TENM4: variants seen among roughly 807,000 people sequenced by gnomAD.
TENM4 encodes the protein teneurin transmembrane protein 4, also known as teneurin-4.
A neutral mutation model predicts 243.3 loss-of-function variants in TENM4; 82 were observed. The ratio of observed to expected loss-of-function variants is 0.34; its 90% CI spans 0.28 to 0.40. TENM4 has a LOEUF of 0.40. Among genes scored for constraint, TENM4 ranks in the 10% least tolerant of loss-of-function variants. The probability of loss-of-function intolerance (pLI) is 1.00; values close to 1 mark genes in which losing one functional copy is unlikely to be tolerated. For missense variants in TENM4, 3,138 were observed against 3,673.3 expected (o/e 0.85, Z 3.77); for synonymous variants, 1,412 against 1,456.3 (o/e 0.97, Z 0.69).
intron 4 of TENM4, among the ~76,000 whole-genome samples, chr11:79,105,410 C>A (rs1260318787): frequency 6.6e-6 from 1 of 152,222 alleles, no homozygotes; most frequent in Non-Finnish European, 1.5e-5. Flanking sequence ...CTAGAGTTCA[C>A]ATAATTCAAA....
intron 6 of TENM4, among the ~76,000 whole-genome samples, chr11:78,983,163 C>G (rs1857840206): frequency 6.6e-6 from 1 of 152,206 alleles, no homozygotes; most frequent in African/African-American, 2.4e-5. Flanking sequence ...AAAATGTTCT[C>G]AAAATCTCAC....
At chr11:79,416,573 G>C (rs1858818093) in intron 1 of TENM4, among the ~76,000 whole-genome samples, 1 of 152,064 alleles carries the variant, frequency 6.6e-6, no homozygotes, top group South Asian at 2.1e-4. Flanking sequence ...TGTTTATTAA[G>C]GTACAACCCT....
At chr11:79,225,055 AG>A (rs1864237320) in intron 2 of TENM4, among the ~76,000 whole-genome samples, 1 of 152,200 alleles carries the variant, frequency 6.6e-6, no homozygotes, top group African/African-American at 2.4e-5. Flanking sequence ...CCAAAGAAAC[AG>A]CAGAAAGAAA....
At chr11:79,301,878 G>C (rs552269478) in intron 1 of TENM4, among the ~76,000 whole-genome samples, 65 of 152,238 alleles carry the variant, frequency 4.3e-4, no homozygotes, top group African/African-American at 1.5e-3. Context: ...GTTTCCTGAG[G>C]TCTCCCCAGA....
At chr11:79,069,397 T>A (rs1224010459) in intron 5 of TENM4, among the ~76,000 whole-genome samples, 1 of 152,174 alleles carries the variant, frequency 6.6e-6, no homozygotes, top group Non-Finnish European at 1.5e-5. Context: ...CTCACGGCCA[T>A]GTAACAGTTG....
At chr11:78,971,666 T>C (rs1173171570) in intron 6 of TENM4, among the ~76,000 whole-genome samples, 2 of 152,158 alleles carry the variant, frequency 1.3e-5, no homozygotes, top group Non-Finnish European at 2.9e-5. Context: ...ATTTTTAAAA[T>C]GTGAAAGCTT....
At chr11:79,223,550 C>T (rs903134952) in intron 2 of TENM4, among the ~76,000 whole-genome samples, 3 of 152,116 alleles carry the variant, frequency 2.0e-5, no homozygotes, top group Non-Finnish European at 4.4e-5. Flanking sequence ...TTATTGCTCC[C>T]CTATTGTCAC....
chr11:79,148,453 A>G (rs1282796837), intron 4 of TENM4, among the ~76,000 whole-genome samples: 4 of 151,056 alleles, frequency 2.6e-5, no homozygotes, highest in African/African-American at 9.9e-5. Flanking sequence ...TCCAGGAGGG[A>G]ATGGTCCGTA....
intron 8 of TENM4, among the ~76,000 whole-genome samples, chr11:78,890,264 C>A (rs1034892042): frequency 2.0e-5 from 3 of 152,138 alleles, no homozygotes; most frequent in Admixed American, 6.5e-5. Context: ...GGAAAACCCA[C>A]CCACGGCAAG....
At chr11:78,766,677 T>C (rs1162801783) in intron 18 of TENM4, among the ~76,000 whole-genome samples, 1 of 150,630 alleles carries the variant, frequency 6.6e-6, no homozygotes, top group African/African-American at 2.4e-5. Flanking sequence ...AGCTGCTCCC[T>C]GGCTCAGTCA....
At chr11:78,701,454 G>A (rs923596306) in intron 28 of TENM4, 72 bp downstream of exon 28, 8 of 1,461,770 alleles carry the variant, frequency 5.5e-6, no homozygotes, top group South Asian at 4.3e-5. Context: ...TAAAATACTC[G>A]ATCAATTTAC....
At chr11:79,216,440 G>A (rs1014299757) in intron 2 of TENM4, among the ~76,000 whole-genome samples, 2 of 152,218 alleles carry the variant, frequency 1.3e-5, no homozygotes, top group Non-Finnish European at 2.9e-5. Flanking sequence ...AGACAAATAA[G>A]TCACTGGCCT....
chr11:78,953,339 G>C (rs1857143524), intron 6 of TENM4, among the ~76,000 whole-genome samples: 1 of 152,194 alleles, frequency 6.6e-6, no homozygotes, highest in Non-Finnish European at 1.5e-5. Flanking sequence ...CCCAGGCTGA[G>C]CTGTTAATTG....
intron 4 of TENM4, chr11:79,093,095 C>G (rs967759079): frequency 6.6e-6 from 1 of 152,226 alleles, no homozygotes; most frequent in African/African-American, 2.4e-5. Flanking sequence ...CCCCATTTTC[C>G]AGGCTAACAC....
rs1298066491 is a variant in TENM4, at chr11:78,676,238, T to C, written c.5410A>G (p.Ile1804Val). Reference protein sequence around the residue: ...TVGKRNVTLPIDNGLNLVEWR... With the variant: ...TVGKRNVTLPVDNGLNLVEWR... Reference sequence around the variant, plus strand: ...TCCACCAGGTTGAGGCCGTTGTCGATGGGCAGCGTGACATTCCTCTTGCCC... The same window carrying C: ...TCCACCAGGTTGAGGCCGTTGTCGACGGGCAGCGTGACATTCCTCTTGCCC... The change falls in exon 30 of 34, where the codon ATC becomes GTC. Residue 1804 changes from isoleucine to valine, a missense_variant. Physicochemically the swap from Ile to Val is conservative, Grantham distance 29 (BLOSUM62 3). This residue lies in a region of TENM4 where 2,467 missense variants were observed against 3,059.1 expected (regional missense o/e 0.81). Transcript: ENST00000278550. 1 of 1,609,044 alleles carries C rather than the reference T, an allele frequency of 6.2e-7. No homozygotes were observed. The highest frequency in any genetic ancestry group is 8.5e-7 in the Non-Finnish European group (1 of 1,176,978).
chr11:79,262,150 T>C (rs1385833529), intron 2 of TENM4, among the ~76,000 whole-genome samples: 1 of 152,106 alleles, frequency 6.6e-6, no homozygotes, highest in African/African-American at 2.4e-5. Context: ...ACACGATGGG[T>C]CCCAGCTCTG....
chr11:78,798,137 A>C (rs1281108357), intron 15 of TENM4, among the ~76,000 whole-genome samples: 1 of 152,234 alleles, frequency 6.6e-6, no homozygotes, highest in Non-Finnish European at 1.5e-5. Flanking sequence ...ATAAGAATTA[A>C]ATTCTGTTCC....
At chr11:79,404,518 A>G (rs189845863) in intron 1 of TENM4, among the ~76,000 whole-genome samples, 38 of 152,324 alleles carry the variant, frequency 2.5e-4, no homozygotes, top group African/African-American at 8.9e-4. Flanking sequence ...AATGTCTTGG[A>G]CCTACATAGA....
intron 6 of TENM4, among the ~76,000 whole-genome samples, chr11:79,040,508 T>G (rs1282369568): frequency 1.3e-5 from 2 of 152,234 alleles, no homozygotes; most frequent in Non-Finnish European, 2.9e-5. Flanking sequence ...TGGTGTTTGC[T>G]GCACTTACTA....
Sources: allele counts gnomAD v4.1 joint callset (sites outside exome capture counted in the v4.1 genomes callset), GRCh38; gene constraint gnomAD v4.1.1; regional missense constraint gnomAD v4.1.1; transcripts MANE v1.5; gene names NCBI Gene and HGNC (gene_info 2026-07-23, HGNC 2026-07-21).